RALGPS1: variants seen among roughly 807,000 people sequenced by gnomAD.
The protein encoded by RALGPS1 is Ral GEF with PH domain and SH3 binding motif 1.
RALGPS1 carries 19 observed loss-of-function variants against 78.8 expected under a neutral mutation model. That is an observed-to-expected ratio of 0.24 (90% CI 0.17 to 0.35). RALGPS1 has a LOEUF of 0.35. RALGPS1 is among the 10% of genes least tolerant of loss of function. The pLI is 1.00. For missense variants in RALGPS1, 454 were observed against 688.3 expected, an observed-to-expected ratio of 0.66 and a Z score of 3.81; for synonymous variants, 228 against 256.3, an observed-to-expected ratio of 0.89 and a Z score of 1.06.
intron 6 of RALGPS1, among the ~76,000 whole-genome samples, chr9:127,051,912 G>A (rs2048331472): frequency 6.6e-6 from 1 of 152,188 alleles, no homozygotes; most frequent in Non-Finnish European, 1.5e-5. Context: ...TTAGAGGAAG[G>A]GGCAACTGAG....
At chr9:127,078,806 C>T (rs559236647) in intron 8 of RALGPS1, among the ~76,000 whole-genome samples, 1 of 152,180 alleles carries the variant, frequency 6.6e-6, no homozygotes, top group Non-Finnish European at 1.5e-5. Flanking sequence ...GACTATTCCT[C>T]TTTGACTTCC....
chr9:126,927,705 C>T (rs993870320), intron 1 of RALGPS1, among the ~76,000 whole-genome samples: 3 of 152,152 alleles, frequency 2.0e-5, no homozygotes, highest in Non-Finnish European at 4.4e-5. Context: ...TGCTGGTCCT[C>T]GGGACTAAAA....
At chr9:127,127,307 T>A (rs928423407) in intron 8 of RALGPS1, among the ~76,000 whole-genome samples, 1 of 152,214 alleles carries the variant, frequency 6.6e-6, no homozygotes, top group African/African-American at 2.4e-5. Context: ...TCTTTTTAAA[T>A]TTTTTTAATA....
intron 8 of RALGPS1, among the ~76,000 whole-genome samples, chr9:127,089,810 G>A (rs139867165): frequency 2.6e-5 from 4 of 152,362 alleles, no homozygotes; most frequent in East Asian, 1.9e-4. Context: ...GAAGGTGTGC[G>A]CGGGCATGCA....
At chr9:126,983,741 C>G (rs4837124) in intron 4 of RALGPS1, among the ~76,000 whole-genome samples, 89,026 of 151,962 alleles carry the variant, frequency 0.59, 30,163 homozygotes, top group East Asian at 0.81. Context: ...TAGTCGCACT[C>G]TGTAATATTC....
chr9:126,987,889 G>A (rs950019211), intron 4 of RALGPS1, among the ~76,000 whole-genome samples: 61 of 152,196 alleles, frequency 4.0e-4, no homozygotes, highest in African/African-American at 1.4e-3. Flanking sequence ...TGGGGCGCTA[G>A]CGTATCAAGG....
chr9:126,966,873 T>C (rs952989517), intron 3 of RALGPS1, among the ~76,000 whole-genome samples: 1 of 152,176 alleles, frequency 6.6e-6, no homozygotes, highest in Non-Finnish European at 1.5e-5. Context: ...GTTAGCTCCT[T>C]GTTTTGCCAT....
intron 9 of RALGPS1, among the ~76,000 whole-genome samples, chr9:127,167,356 C>T (rs1163349262): frequency 2.0e-5 from 3 of 152,234 alleles, no homozygotes; most frequent in African/African-American, 7.2e-5. Context: ...TTCGCCTGGC[C>T]TGGGCCATCT....
intron 3 of RALGPS1, among the ~76,000 whole-genome samples, chr9:126,972,273 A>C (rs1285129394): frequency 6.6e-6 from 1 of 152,232 alleles, no homozygotes; most frequent in Admixed American, 6.5e-5. Flanking sequence ...GCAATGGGTC[A>C]CCTTTTGATG....
chr9:126,978,606 CAA>C (rs57764057), intron 4 of RALGPS1, among the ~76,000 whole-genome samples: 118 of 110,520 alleles, frequency 1.1e-3, no homozygotes, highest in African/African-American at 2.9e-3. Flanking sequence ...GAGACTCTGT[CAA>C]AAAAAAAAAA....
At chr9:127,121,463 T>C (rs1476062267) in intron 8 of RALGPS1, among the ~76,000 whole-genome samples, 1 of 152,246 alleles carries the variant, frequency 6.6e-6, no homozygotes, top group African/African-American at 2.4e-5. Flanking sequence ...GAGATGCTTT[T>C]CCAAGTAACT....
At chr9:127,169,275 G>C (rs2059445825) in intron 10 of RALGPS1, among the ~76,000 whole-genome samples, 1 of 152,174 alleles carries the variant, frequency 6.6e-6, no homozygotes, top group African/African-American at 2.4e-5. Flanking sequence ...TCAGCTCTCT[G>C]CAGTATTCAA....
At position 127,025,498 on chromosome 9, in the gene RALGPS1, C is replaced by A. The variant is rs532470079; in HGVS notation, c.217-8933C>A. Among the ~76,000 whole-genome samples the A allele has an allele frequency of 1.8e-4, 28 of 152,276 alleles. 3 individuals are homozygous for A. The South Asian group carries it at 5.4e-3, about 29-fold the overall frequency. On this transcript the variant is annotated intron_variant, in intron 4 of 18. Transcript: ENST00000259351. ...GATGGGAAGCTGCCCACCTGCTTTC[C>A]TAAATGGCTGTTCTGATCCTCCATA...
chr9:126,979,239 TTATG>T (rs1564352919), intron 4 of RALGPS1, among the ~76,000 whole-genome samples: 1 of 92,094 alleles, frequency 1.1e-5, no homozygotes, highest in African/African-American at 3.7e-5. Context: ...TATTGTATTA[TTATG>T]TGTGTGTGTG....
At chr9:127,170,578 G>A (rs2059520999) in intron 10 of RALGPS1, among the ~76,000 whole-genome samples, 1 of 152,254 alleles carries the variant, frequency 6.6e-6, no homozygotes, top group Non-Finnish European at 1.5e-5. Flanking sequence ...GAGTGCCCTG[G>A]AGTACAAAAT....
At chr9:127,115,359 T>G (rs1337853351) in intron 8 of RALGPS1, among the ~76,000 whole-genome samples, 1 of 152,136 alleles carries the variant, frequency 6.6e-6, no homozygotes, top group Non-Finnish European at 1.5e-5. Flanking sequence ...CTGGCTAATT[T>G]TTGTATTTTT....
chr9:126,963,660 C>A (rs1306847603), intron 2 of RALGPS1, among the ~76,000 whole-genome samples: 1 of 152,108 alleles, frequency 6.6e-6, no homozygotes, highest in African/African-American at 2.4e-5. Context: ...TTCACAATAA[C>A]CCCATCAGGT....
chr9:126,915,029 A>ACGGGGCGGGG (rs1006704180), intron 1 of RALGPS1, 54 bp downstream of exon 1: 27 of 145,164 alleles, frequency 1.9e-4, no homozygotes, highest in African/African-American at 3.5e-4. Context: ...GGCGCGGCCG[A>ACGGGGCGGGG]CGGGGCGGGG....
intron 8 of RALGPS1, among the ~76,000 whole-genome samples, chr9:127,115,138 A>G (rs1224486288): frequency 6.6e-6 from 1 of 152,226 alleles, no homozygotes; most frequent in East Asian, 1.9e-4. Context: ...GTAGGGGACC[A>G]TACATCCTGG....
Sources: allele counts gnomAD v4.1 joint callset (sites outside exome capture counted in the v4.1 genomes callset), GRCh38; gene constraint gnomAD v4.1.1; transcripts MANE v1.5; gene names NCBI Gene and HGNC (gene_info 2026-07-23, HGNC 2026-07-21).